The following TANC2 variants were observed in gnomAD, a reference collection of about 807,000 sequenced individuals.
The protein encoded by TANC2 is tetratricopeptide repeat, ankyrin repeat and coiled-coil containing 2.
A neutral mutation model predicts 210.5 loss-of-function variants in TANC2; 26 were observed. The observed-to-expected ratio is 0.12, with a 90% confidence interval of 0.09 to 0.17. TANC2 has a LOEUF of 0.17. TANC2 is among the 10% of genes least tolerant of loss of function. The probability of loss-of-function intolerance (pLI) is 1.00; values close to 1 mark genes in which losing one functional copy is unlikely to be tolerated. For synonymous variants in TANC2, 931 were observed against 967.1 expected (o/e 0.96, Z 0.69); for missense variants, 2,129 against 2,608.9 (o/e 0.82, Z 4.01).
intron 7 of TANC2, among the ~76,000 whole-genome samples, chr17:63,234,475 G>T (rs781057972): frequency 3.1e-4 from 47 of 152,088 alleles, no homozygotes; most frequent in Non-Finnish European, 5.1e-4. Context: ...ATATTTCATT[G>T]TTAATGTCTG....
chr17:63,026,686 G>A (rs2034568216), intron 2 of TANC2, among the ~76,000 whole-genome samples: 1 of 152,110 alleles, frequency 6.6e-6, no homozygotes, highest in Non-Finnish European at 1.5e-5. Context: ...GAGATAAAAT[G>A]TTAAACTTTT....
At chr17:63,240,253 A>G (rs565244987) in intron 8 of TANC2, among the ~76,000 whole-genome samples, 1 of 152,196 alleles carries the variant, frequency 6.6e-6, no homozygotes, top group Admixed American at 6.5e-5. Flanking sequence ...TTCTGGTTCT[A>G]TTATTTGAGA....
At chr17:63,390,970 ATC>A (rs938927797) in intron 17 of TANC2, 1 of 152,082 alleles carries the variant, frequency 6.6e-6, no homozygotes, top group Non-Finnish European at 1.5e-5. Context: ...AGGTGCCTGT[ATC>A]TCAAAACTCT....
chr17:62,979,472 C>T (rs530523332), intron 1 of TANC2, among the ~76,000 whole-genome samples: 2 of 152,266 alleles, frequency 1.3e-5, no homozygotes, highest in Non-Finnish European at 2.9e-5. Flanking sequence ...CTAGCAACTT[C>T]GTATGAGATT....
At chr17:63,171,228 G>A (rs6504155) in intron 5 of TANC2, among the ~76,000 whole-genome samples, 30,153 of 151,180 alleles carry the variant, frequency 0.2, 6,350 homozygotes, top group African/African-American at 0.54. Context: ...GATTACAGGC[G>A]CACACCACCA....
chr17:63,080,781 G>C (rs923719526), intron 3 of TANC2, among the ~76,000 whole-genome samples: 6 of 151,908 alleles, frequency 3.9e-5, no homozygotes, highest in African/African-American at 1.5e-4. Flanking sequence ...TCAATATTCA[G>C]TGTATTATTT....
intron 2 of TANC2, among the ~76,000 whole-genome samples, chr17:63,062,335 G>A (rs1038318638): frequency 6.6e-6 from 1 of 152,044 alleles, no homozygotes; most frequent in African/African-American, 2.4e-5. Flanking sequence ...TTCTCCTCTT[G>A]TACTTTGATT....
intron 1 of TANC2, among the ~76,000 whole-genome samples, chr17:62,970,319 C>T (rs1208246006): frequency 6.6e-6 from 1 of 152,158 alleles, no homozygotes; most frequent in Non-Finnish European, 1.5e-5. Flanking sequence ...TACACTCAGA[C>T]TATGCTTTGT....
At chr17:63,196,437 C>G (rs2041348798) in intron 6 of TANC2, among the ~76,000 whole-genome samples, 1 of 152,144 alleles carries the variant, frequency 6.6e-6, no homozygotes, top group South Asian at 2.1e-4. Context: ...TTTTCAAGGA[C>G]TCTGTCATTT....
At chr17:63,058,067 C>T (rs2035867850) in intron 2 of TANC2, among the ~76,000 whole-genome samples, 1 of 152,162 alleles carries the variant, frequency 6.6e-6, no homozygotes, top group Admixed American at 6.5e-5. Context: ...ATAAGCATTA[C>T]CTTTTCTCCG....
At chr17:63,324,521 TAATG>T (rs1163151259) in intron 11 of TANC2, among the ~76,000 whole-genome samples, 3 of 152,066 alleles carry the variant, frequency 2.0e-5, no homozygotes, top group Admixed American at 1.3e-4. Context: ...TGAAAAACAA[TAATG>T]AAGAATAAGA....
At position 63,421,937 on chromosome 17, in the gene TANC2, C is replaced by G; in HGVS notation, c.6207C>G (p.Phe2069Leu). The G allele has an allele frequency of 6.2e-7, 1 of 1,609,716 alleles. No homozygotes were observed. The highest frequency in any genetic ancestry group is 8.5e-7 in the Non-Finnish European group (1 of 1,177,880). ...CCCCTATCAAACCAAAGAGACCGTTCGTGGAGTCTAATGTTTAAAAGACGT... is the reference window on the plus strand; with the variant it reads ...CCCCTATCAAACCAAAGAGACCGTTGGTGGAGTCTAATGTTTAAAAGACGT... The change falls in exon 28 of 28, where the codon TTC becomes TTG. Residue 2069 changes from phenylalanine to leucine, a missense_variant. Physicochemically the swap from Phe to Leu is conservative, Grantham distance 22 (BLOSUM62 0). Transcript: ENST00000689528. This position sits in a 1 kb window ranked among gnomAD's most constrained non-coding sequence, Gnocchi z 6.9.
At chr17:63,018,944 CCTTTGAAGGACAG>C (rs2034232284) in intron 2 of TANC2, among the ~76,000 whole-genome samples, 1 of 152,056 alleles carries the variant, frequency 6.6e-6, no homozygotes, top group Non-Finnish European at 1.5e-5. Flanking sequence ...AACCATTCAC[CCTTTGAAGGACAG>C]CTGAATTGTT....
chr17:63,288,450 T>G lies in TANC2; in HGVS notation c.1159+20577T>G, dbSNP rs181262981. On this transcript the variant is annotated intron_variant, in intron 9 of 27. Transcript: ENST00000689528. ...TTTATGGTTCAGAATGTGGTCTGGT[T>G]TGGTAAATACTCCGTGTGAACTTGA... Among the ~76,000 whole-genome samples, 285 of 152,366 alleles carry G rather than the reference T, an allele frequency of 1.9e-3. 1 individual carries two copies. The highest frequency in any genetic ancestry group is 6.6e-3 in the African/African-American group (274 of 41,594).
intron 9 of TANC2, among the ~76,000 whole-genome samples, chr17:63,306,902 T>TA (rs2044930007): frequency 6.6e-6 from 1 of 152,154 alleles, no homozygotes; most frequent in South Asian, 2.1e-4. Context: ...TGCAGTGAGC[T>TA]ATGATTGCCT....
rs559542325 is a variant in TANC2 at position 63,269,178 on chromosome 17, T to C, written c.1159+1305T>C. Reference sequence around the variant, plus strand: ...AAAATAATTGATTGTATTGCAACAATTACCATACCTCCCATCAACAGCAGT... The same window carrying C: ...AAAATAATTGATTGTATTGCAACAACTACCATACCTCCCATCAACAGCAGT... On this transcript the variant is annotated intron_variant, in intron 9 of 27. Transcript: ENST00000689528. 1.2e-3 allele frequency among the ~76,000 whole-genome samples: 181 copies of C among 152,228 alleles called. 1 individual carries two copies. Among genetic ancestry groups the C allele is most frequent in the African/African-American group, 4.0e-3 (165 of 41,566 alleles).
rs369429290 is a variant in TANC2, at chr17:63,066,644, G to T, written c.68-7299G>T. 2.6e-5 allele frequency among the ~76,000 whole-genome samples: 4 copies of T among 152,078 alleles called. No individual in the cohort carries two copies. The East Asian group carries it at 7.7e-4, about 29-fold the overall frequency. ...CCCCCGACCTTAGTGGTAACATCAA[G>T]AATTCACATAAGCCAAAATACTGAG... On this transcript the variant is annotated intron_variant, in intron 2 of 27. Coordinates refer to ENST00000689528, the Ensembl canonical transcript of TANC2.
chr17:63,273,770 A>G (rs1216061422), intron 9 of TANC2, among the ~76,000 whole-genome samples: 2 of 152,310 alleles, frequency 1.3e-5, no homozygotes, highest in East Asian at 3.9e-4. Flanking sequence ...TGGCTCTCAC[A>G]GTGTGGTCCT....
chr17:63,061,513 C>T (rs2035995276), intron 2 of TANC2, among the ~76,000 whole-genome samples: 2 of 152,100 alleles, frequency 1.3e-5, no homozygotes, highest in African/African-American at 4.8e-5. Context: ...ATACAGGGTA[C>T]TCTTGAAATA....
Sources: allele counts gnomAD v4.1 joint callset (sites outside exome capture counted in the v4.1 genomes callset), GRCh38; gene constraint gnomAD v4.1.1; non-coding constraint Gnocchi (gnomAD v3.1); transcripts MANE v1.5; gene names NCBI Gene and HGNC (gene_info 2026-07-23, HGNC 2026-07-21).